The following APBA2 variants were observed in gnomAD, a reference collection of about 807,000 sequenced individuals.
The protein encoded by APBA2 is amyloid beta precursor protein binding family A member 2.
APBA2 carries 30 observed loss-of-function variants against 75.0 expected under a neutral mutation model. The observed-to-expected ratio is 0.40, with a 90% CI of 0.30 to 0.54. The LOEUF (loss-of-function observed/expected upper bound fraction) is 0.54. Ranked by LOEUF, APBA2 falls within the 20% of genes least tolerant of loss-of-function variation. The probability of loss-of-function intolerance (pLI) is 0.49; values close to 1 mark genes in which losing one functional copy is unlikely to be tolerated. For synonymous variants in APBA2, 444 were observed against 409.6 expected (o/e 1.08, Z -1.01); for missense variants, 801 against 1,016.1 (o/e 0.79, Z 2.88).
At chr15:29,015,997 G>A (rs539148098) in intron 3 of APBA2, among the ~76,000 whole-genome samples, 75 of 152,326 alleles carry the variant, frequency 4.9e-4, no homozygotes, top group African/African-American at 1.6e-3. Context: ...GGTGGCTCAC[G>A]CTTGTAATCC....
chr15:28,901,908 ATGTGTGTGTGTG>A (rs766260051), intron 1 of APBA2, among the ~76,000 whole-genome samples: 1 of 67,410 alleles, frequency 1.5e-5, no homozygotes, highest in East Asian at 3.5e-4. Flanking sequence ...GGAGCTTTTG[ATGTGTGTGTGTG>A]TGTGTGTGTG....
At chr15:29,078,857 A>G (rs1398537327) in intron 6 of APBA2, among the ~76,000 whole-genome samples, 1 of 152,190 alleles carries the variant, frequency 6.6e-6, no homozygotes. Flanking sequence ...ACATTAGGAA[A>G]GCAAAGGTTT....
At chr15:29,109,477 GGGCCCA>G (rs1428312171) in intron 13 of APBA2, among the ~76,000 whole-genome samples, 2 of 152,214 alleles carry the variant, frequency 1.3e-5, no homozygotes, top group Non-Finnish European at 2.9e-5. Context: ...AGCCACTCAG[GGGCCCA>G]GGCTCTGCCC....
At chr15:29,086,205 G>A (rs971240443) in intron 6 of APBA2, among the ~76,000 whole-genome samples, 11 of 152,278 alleles carry the variant, frequency 7.2e-5, no homozygotes, top group South Asian at 4.1e-4. Flanking sequence ...TCTGGCCAGC[G>A]GCCTGGTGAG....
Position 29,108,227 on chromosome 15 carries a change from T to C in APBA2, c.1918-43T>C, listed in dbSNP as rs763705583. 3.7e-6 allele frequency: 6 copies of C among 1,612,518 alleles called. No homozygotes were observed. In the Admixed American group the frequency reaches 1.0e-4, roughly 27 times the overall value. On this transcript the variant is annotated intron_variant, in intron 12 of 14. Transcript: ENST00000683413. ...CTCGCTCATCCTGGGTCAGGCTTGA[T>C]GTCTAAGGCCCAGCCTGTGACTCCT...
chr15:29,045,695 A>G (rs1302498069), intron 3 of APBA2, among the ~76,000 whole-genome samples: 1 of 152,196 alleles, frequency 6.6e-6, no homozygotes, highest in Non-Finnish European at 1.5e-5. Flanking sequence ...ATGCACAGAT[A>G]AAAGACTGGA....
chr15:29,019,252 C>T (rs1353901438), intron 3 of APBA2, among the ~76,000 whole-genome samples: 5 of 152,220 alleles, frequency 3.3e-5, no homozygotes, highest in East Asian at 3.8e-4. Context: ...GGGCCTCACA[C>T]GGCCATTCTT....
intron 3 of APBA2, among the ~76,000 whole-genome samples, chr15:29,018,233 T>C (rs989378199): frequency 6.6e-6 from 1 of 152,130 alleles, no homozygotes; most frequent in Non-Finnish European, 1.5e-5. Flanking sequence ...GCAATTCTAA[T>C]GTGCAAGCAG....
intron 3 of APBA2, among the ~76,000 whole-genome samples, chr15:29,019,434 A>G (rs1203356538): frequency 1.3e-5 from 2 of 152,246 alleles, no homozygotes; most frequent in African/African-American, 4.8e-5. Flanking sequence ...GACATCAGAG[A>G]TAAAGCAGAG....
intron 4 of APBA2, among the ~76,000 whole-genome samples, chr15:29,055,067 T>G (rs1000580893): frequency 2.0e-5 from 3 of 152,292 alleles, no homozygotes; most frequent in Non-Finnish European, 2.9e-5. Context: ...GAGGGCTGAG[T>G]GGCAACTCGT....
At chr15:28,888,922 G>T (rs1439551265) in intron 1 of APBA2, among the ~76,000 whole-genome samples, 1 of 151,920 alleles carries the variant, frequency 6.6e-6, no homozygotes, top group Non-Finnish European at 1.5e-5. Flanking sequence ...GTTTGAGATG[G>T]TTGCTCACCA....
intron 2 of APBA2, among the ~76,000 whole-genome samples, chr15:28,950,921 C>G (rs929821084): frequency 1.3e-5 from 2 of 152,112 alleles, no homozygotes; most frequent in Admixed American, 6.6e-5. Context: ...TCAAACTGTC[C>G]CAGCTTTGAC....
intron 2 of APBA2, among the ~76,000 whole-genome samples, chr15:28,944,057 C>T (rs1444983914): frequency 6.6e-6 from 1 of 152,100 alleles, no homozygotes; most frequent in African/African-American, 2.4e-5. Flanking sequence ...CCACCCTGGC[C>T]TACTCTTCAC....
intron 1 of APBA2, among the ~76,000 whole-genome samples, chr15:28,920,031 G>A (rs1288141961): frequency 6.6e-6 from 1 of 152,098 alleles, no homozygotes; most frequent in Non-Finnish European, 1.5e-5. Flanking sequence ...CCTTCTTTAA[G>A]GCTGCTTTTG....
At chr15:28,903,228 G>A (rs1217495068) in intron 1 of APBA2, among the ~76,000 whole-genome samples, 1 of 152,186 alleles carries the variant, frequency 6.6e-6, no homozygotes, top group Non-Finnish European at 1.5e-5. Flanking sequence ...ATCAGCCCCT[G>A]GGCTCACTTA....
At chr15:29,101,919 A>T in intron 10 of APBA2, 135 bp downstream of exon 10, 1 of 871,110 alleles carries the variant, frequency 1.1e-6, no homozygotes, top group Non-Finnish European at 1.9e-6. Context: ...TGGATCAGTG[A>T]TCTTTTGCAT....
chr15:29,096,458 CA>C (rs1373892064), intron 8 of APBA2, among the ~76,000 whole-genome samples: 1 of 152,220 alleles, frequency 6.6e-6, no homozygotes, highest in Non-Finnish European at 1.5e-5. Flanking sequence ...TACTTTTTAG[CA>C]AGAGGATTTT....
At chr15:28,935,564 G>C (rs936298807) in intron 2 of APBA2, among the ~76,000 whole-genome samples, 5 of 152,196 alleles carry the variant, frequency 3.3e-5, no homozygotes, top group Non-Finnish European at 7.3e-5. Context: ...CAAGGTTGCA[G>C]CATGAAGTTC....
At chr15:29,084,188 T>C (rs1014726998) in intron 6 of APBA2, among the ~76,000 whole-genome samples, 6 of 152,252 alleles carry the variant, frequency 3.9e-5, no homozygotes, top group Non-Finnish European at 7.3e-5. Context: ...TTAGTTGTTT[T>C]CTTGAGTTTT....
Sources: allele counts gnomAD v4.1 joint callset (sites outside exome capture counted in the v4.1 genomes callset), GRCh38; gene constraint gnomAD v4.1.1; transcripts MANE v1.5; gene names NCBI Gene and HGNC (gene_info 2026-07-23, HGNC 2026-07-21).